Variants in PRELID2 observed in about 807,000 individuals in gnomAD.
The protein encoded by PRELID2 is PRELI domain-containing protein 2.
PRELID2 carries 25 observed loss-of-function variants against 28.4 expected under a neutral mutation model. That is an observed-to-expected ratio of 0.88 (90% CI 0.64 to 1.23). The LOEUF is 1.23. Among genes scored for constraint, PRELID2 ranks in the 50% most tolerant of loss-of-function variants. The pLI is 0.00. For synonymous variants in PRELID2, 76 were observed against 71.6 expected (o/e 1.06, Z -0.31); for missense variants, 201 against 214.4 (o/e 0.94, Z 0.39).
intron 5 of PRELID2, chr5:145,796,229 A>G (rs777378935): frequency 2.7e-6 from 1 of 375,414 alleles, no homozygotes; most frequent in Non-Finnish European, 4.8e-6. Flanking sequence ...CTTCATTGGC[A>G]TATTTTTAAT....
chr5:145,564,467 T>G (rs1204918957), intron 1 of PRELID2, among the ~76,000 whole-genome samples: 1 of 152,330 alleles, frequency 6.6e-6, no homozygotes, highest in African/African-American at 2.4e-5. Flanking sequence ...ATGCTTGTCC[T>G]GAACTCTTGG....
At chr5:145,333,334 G>A in the PRELID2 span, among the ~76,000 whole-genome samples, 1 of 152,344 alleles carries the variant, frequency 6.6e-6, no homozygotes, top group Admixed American at 6.5e-5. Flanking sequence ...AGAGCCAGCA[G>A]GCAGGAATGT....
At chr5:145,696,156 CTTTTTTTTTTTT>C (rs10591669) in intron 1 of PRELID2, among the ~76,000 whole-genome samples, 1 of 60,020 alleles carries the variant, frequency 1.7e-5, no homozygotes, top group Non-Finnish European at 3.6e-5. Context: ...TAAATAATAG[CTTTTTTTTTTTT>C]TTTTTTTTTT....
intron 1 of PRELID2, among the ~76,000 whole-genome samples, chr5:145,609,494 G>A (rs1383645810): frequency 6.6e-6 from 1 of 152,212 alleles, no homozygotes; most frequent in Non-Finnish European, 1.5e-5. Flanking sequence ...GGCAGCAGTT[G>A]GCAGAGAGGC....
At chr5:145,741,082 A>G (rs1174623857) in intron 1 of PRELID2, among the ~76,000 whole-genome samples, 2 of 118,724 alleles carry the variant, frequency 1.7e-5, no homozygotes, top group Non-Finnish European at 3.2e-5. Context: ...ATGTATAAAT[A>G]AAATAAATAT....
At position 145,756,555 on chromosome 5, in the gene PRELID2, T is replaced by C. The variant is rs1757261501; in HGVS notation, c.*3981A>G. Among the ~76,000 whole-genome samples the C allele has an allele frequency of 6.6e-6, 1 of 152,110 alleles. No individual in the cohort carries two copies. Among genetic ancestry groups the C allele is most frequent in the African/African-American group, 2.4e-5 (1 of 41,428 alleles). On this transcript the variant is annotated 3_prime_UTR_variant, in exon 7 of 7. Coordinates refer to ENST00000683046, the MANE Select transcript of PRELID2 (RefSeq NM_205846.3). The stretch of plus-strand genomic sequence containing the variant: ...ACACTAACACAGCTGGGGGAGACAA[T>C]GGTTTATTGATCAAGAGAAATTATT...
At chr5:145,237,239 T>C in the PRELID2 span, among the ~76,000 whole-genome samples, 3 of 152,180 alleles carry the variant, frequency 2.0e-5, no homozygotes, top group Non-Finnish European at 2.9e-5. Flanking sequence ...TACACTGTTA[T>C]TCTAAGTCAC....
At chr5:145,264,684 G>A in the PRELID2 span, among the ~76,000 whole-genome samples, 1 of 151,924 alleles carries the variant, frequency 6.6e-6, no homozygotes, top group Admixed American at 6.6e-5. Context: ...ATAAAAATTG[G>A]TAAACAGAGC....
intron 1 of PRELID2, among the ~76,000 whole-genome samples, chr5:145,715,279 T>C (rs1043806227): frequency 6.6e-6 from 1 of 152,130 alleles, no homozygotes; most frequent in Non-Finnish European, 1.5e-5. Flanking sequence ...AGTCCCTTTA[T>C]TTCCTTATCC....
At chr5:145,599,518 G>A (rs1753358418) in intron 1 of PRELID2, among the ~76,000 whole-genome samples, 1 of 152,090 alleles carries the variant, frequency 6.6e-6, no homozygotes, top group Non-Finnish European at 1.5e-5. Flanking sequence ...GACTACTGGA[G>A]GAATTCTCAT....
the PRELID2 span, among the ~76,000 whole-genome samples, chr5:145,366,037 G>A: frequency 1.3e-5 from 2 of 151,812 alleles, no homozygotes; most frequent in Admixed American, 1.3e-4. Context: ...ATATCTGTAT[G>A]ATTTAGTTCA....
chr5:145,752,440 A>C (rs377084780), downstream of PRELID2, among the ~76,000 whole-genome samples: 30 of 152,330 alleles, frequency 2.0e-4, no homozygotes, highest in East Asian at 2.5e-3. Flanking sequence ...AAGATTTTTA[A>C]GGTCTTTATG....
chr5:145,709,341 T>C (rs537013815), intron 1 of PRELID2, among the ~76,000 whole-genome samples: 1 of 152,300 alleles, frequency 6.6e-6, no homozygotes, highest in African/African-American at 2.4e-5. Flanking sequence ...CCCCAGGTGA[T>C]TACACTTTAA....
intron 1 of PRELID2, among the ~76,000 whole-genome samples, chr5:145,542,749 A>ATTTC (rs5871930): frequency 0.31 from 44,705 of 145,066 alleles, 7,101 homozygotes; most frequent in South Asian, 0.49. Context: ...ATACATTGTA[A>ATTTC]TTTCTTTCTT....
At chr5:145,474,591 A>G (rs1034477282) in intron 1 of PRELID2, among the ~76,000 whole-genome samples, 1 of 152,156 alleles carries the variant, frequency 6.6e-6, no homozygotes, top group Admixed American at 6.5e-5. Flanking sequence ...TGGTCCAATT[A>G]TCCTCCTAAG....
At chr5:145,809,457 C>T (rs1214778472) in intron 4 of PRELID2, among the ~76,000 whole-genome samples, 1 of 152,302 alleles carries the variant, frequency 6.6e-6, no homozygotes, top group African/African-American at 2.4e-5. Context: ...GCTATAAGCA[C>T]CTGGAGACAA....
intron 1 of PRELID2, 70 bp downstream of exon 1, chr5:145,835,103 GTGGA>G: frequency 9.6e-7 from 1 of 1,038,796 alleles, no homozygotes; most frequent in Middle Eastern, 2.3e-4. Context: ...CAGCTTCCGC[GTGGA>G]TGAAGGAGAG....
At chr5:145,677,152 GTTTTTTT>G (rs756255750) in intron 1 of PRELID2, among the ~76,000 whole-genome samples, 1 of 124,046 alleles carries the variant, frequency 8.1e-6, no homozygotes, top group African/African-American at 3.1e-5. Context: ...TTTGGTTTTG[GTTTTTTT>G]TTTTTTTTTT....
intron 1 of PRELID2, among the ~76,000 whole-genome samples, chr5:145,590,675 A>C (rs1410939533): frequency 1.3e-5 from 2 of 152,158 alleles, no homozygotes; most frequent in African/African-American, 4.8e-5. Flanking sequence ...TTTGGGGGCA[A>C]ATTCTCCTCA....
Sources: allele counts gnomAD v4.1 joint callset (sites outside exome capture counted in the v4.1 genomes callset), GRCh38; gene constraint gnomAD v4.1.1; transcripts MANE v1.5; gene names NCBI Gene and HGNC (gene_info 2026-07-23, HGNC 2026-07-21).